KIF21A: variants seen among roughly 807,000 people sequenced by gnomAD.
The protein encoded by KIF21A is kinesin-like protein KIF21A.
In KIF21A, 114 loss-of-function variants were observed where a neutral mutation model predicts 202.9. The ratio of observed to expected loss-of-function variants is 0.56; its 90% CI spans 0.48 to 0.66. The LOEUF (loss-of-function observed/expected upper bound fraction) is 0.66, where lower values mean the gene tolerates loss of function less well. Ranked by LOEUF, KIF21A falls within the 30% of genes least tolerant of loss-of-function variation. KIF21A has a pLI of 0.00. For synonymous variants in KIF21A, 667 were observed against 670.8 expected (o/e 0.99, Z 0.09); for missense variants, 1,677 against 1,994.9 (o/e 0.84, Z 3.04).
rs1942071119 is a variant in KIF21A, at chr12:39,294,075, T to A, written c.*349A>T. On this transcript the variant is annotated 3_prime_UTR_variant, in exon 38 of 38. Transcript: ENST00000361418. ...ATGAATGAGTTAATGGTGGGCTGCA[T>A]CGTATTCCAGGTGTGTTTTCTGACT... 4.1e-6 allele frequency: 1 copy of A among 244,708 alleles called. No homozygotes were observed. The highest frequency in any genetic ancestry group is 8.0e-6 in the Non-Finnish European group (1 of 124,510). 15.2% of individuals were successfully genotyped at this position (244,708 alleles called of 1,614,324 possible).
chr12:39,369,686 G>C lies in KIF21A; in HGVS notation c.450+43C>G, dbSNP rs1176708133. 2.0e-6 allele frequency: 3 copies of C among 1,485,262 alleles called. No individual in the cohort carries two copies. The African/African-American group carries it at 4.2e-5, about 21-fold the overall frequency. The allele number at this position is 1,485,262 out of a possible 1,614,324, so 92.0% of individuals were successfully genotyped here. On this transcript the variant is annotated intron_variant, in intron 3 of 37. Transcript: ENST00000361418. ...ATAAAATCATAAACACAGTCTATAA[G>C]AACAAAATTTAAAAGAAATTAATGC...
intron 1 of KIF21A, among the ~76,000 whole-genome samples, chr12:39,379,223 A>G (rs1277866273): frequency 1.3e-5 from 2 of 151,902 alleles, no homozygotes; most frequent in Admixed American, 1.3e-4. Context: ...CCAGCTACTC[A>G]GGACAATCGC....
At chr12:39,332,777 C>T (rs778059380) in intron 19 of KIF21A, 33 bp from the exon 20 acceptor site, 6 of 1,611,782 alleles carry the variant, frequency 3.7e-6, no homozygotes, top group Non-Finnish European at 4.2e-6. Flanking sequence ...AGCTCAATTA[C>T]TTATGCACTT....
intron 10 of KIF21A, among the ~76,000 whole-genome samples, chr12:39,354,574 T>C (rs907128164): frequency 6.6e-6 from 1 of 152,168 alleles, no homozygotes; most frequent in African/African-American, 2.4e-5. Flanking sequence ...CATGTAAATT[T>C]ATTAAAAGGT....
At chr12:39,417,508 G>A (rs1440045152) in intron 1 of KIF21A, among the ~76,000 whole-genome samples, 3 of 152,148 alleles carry the variant, frequency 2.0e-5, no homozygotes, top group African/African-American at 7.2e-5. Flanking sequence ...ACAGTTATGT[G>A]AGGCTTCTTC....
intron 12 of KIF21A, 63 bp from the exon 13 acceptor site, chr12:39,342,187 C>A (rs1302708301): frequency 1.7e-6 from 2 of 1,188,512 alleles, no homozygotes; most frequent in Non-Finnish European, 2.5e-6. Context: ...ACTTTTTCTC[C>A]CTCAGATTTT....
intron 1 of KIF21A, among the ~76,000 whole-genome samples, chr12:39,418,370 A>C (rs1214016248): frequency 1.3e-5 from 2 of 152,202 alleles, no homozygotes; most frequent in East Asian, 3.8e-4. Flanking sequence ...TAAGTGATGA[A>C]AACATAGCAA....
rs1944747354 is a variant in KIF21A at position 39,317,931 on chromosome 12, G to A, written c.3908+142C>T. The A allele has an allele frequency of 7.3e-6, 6 of 826,718 alleles. No individual in the cohort carries two copies. In the South Asian group the frequency reaches 8.9e-5, roughly 12 times the overall value. 51.2% of individuals were successfully genotyped at this position (826,718 alleles called of 1,614,324 possible). On this transcript the variant is annotated intron_variant, in intron 29 of 37. Coordinates refer to ENST00000361418, the MANE Select transcript of KIF21A (RefSeq NM_001173464.2). Reference sequence around the variant, plus strand: ...TTGGCTGCATGGTTCCTTTCCCATTGGAAAGATGCATAAAATATGGCAAGA... The same window carrying A: ...TTGGCTGCATGGTTCCTTTCCCATTAGAAAGATGCATAAAATATGGCAAGA...
At chr12:39,367,822 C>A in intron 4 of KIF21A, 61 bp downstream of exon 4, 1 of 1,310,224 alleles carries the variant, frequency 7.6e-7, no homozygotes, top group Non-Finnish European at 1.1e-6. Context: ...AGATTATCAG[C>A]AAAGCTCACT....
chr12:39,423,327 T>C (rs1840840638), intron 1 of KIF21A, among the ~76,000 whole-genome samples: 1 of 152,062 alleles, frequency 6.6e-6, no homozygotes, highest in Middle Eastern at 3.4e-3. Flanking sequence ...AAAGATCCCA[T>C]ATTCTTTGAA....
At chr12:39,328,359 G>A (rs538887709) in intron 24 of KIF21A, among the ~76,000 whole-genome samples, 166 of 152,258 alleles carry the variant, frequency 1.1e-3, no homozygotes, top group African/African-American at 3.9e-3. Flanking sequence ...TTTTGTTCTG[G>A]AGAAAGAAAG....
chr12:39,369,925 C>A lies in KIF21A; in HGVS notation c.268-14G>T, dbSNP rs762377796. 13 of 1,610,858 alleles carry A rather than the reference C, an allele frequency of 8.1e-6. No homozygotes were observed. The highest frequency in any genetic ancestry group is 1.1e-5 in the Non-Finnish European group (13 of 1,177,378). On this transcript the variant is annotated splice_polypyrimidine_tract_variant and intron_variant, in intron 2 of 37. Transcript: ENST00000361418. Reference sequence around the variant, plus strand: ...ACCAGCTCCAGTCTAAACAAAAGAACAGAGAAAGATTAGTGTTCAACCTTA... The same window carrying A: ...ACCAGCTCCAGTCTAAACAAAAGAAAAGAGAAAGATTAGTGTTCAACCTTA...
At chr12:39,317,951 G>T in intron 29 of KIF21A, 122 bp downstream of exon 29, 1 of 991,006 alleles carries the variant, frequency 1.0e-6, no homozygotes, top group Non-Finnish European at 1.6e-6. Flanking sequence ...ATAAAATATG[G>T]CAAGAGTTCA....
chr12:39,387,369 G>C (rs1013486998), intron 1 of KIF21A, among the ~76,000 whole-genome samples: 1 of 152,152 alleles, frequency 6.6e-6, no homozygotes, highest in Admixed American at 6.6e-5. Context: ...ACAGACAATA[G>C]AGAACCTCCC....
At chr12:39,346,238 C>A (rs1947880718) in intron 12 of KIF21A, among the ~76,000 whole-genome samples, 1 of 151,940 alleles carries the variant, frequency 6.6e-6, no homozygotes, top group Non-Finnish European at 1.5e-5. Context: ...TCACATGAAA[C>A]TGCCTGAATT....
chr12:39,433,397 A>C (rs1938231899), intron 1 of KIF21A, among the ~76,000 whole-genome samples: 1 of 152,186 alleles, frequency 6.6e-6, no homozygotes, highest in African/African-American at 2.4e-5. Context: ...GTATAATTAA[A>C]ATTTTTATAT....
intron 9 of KIF21A, 121 bp from the exon 10 acceptor site, chr12:39,357,016 T>A (rs1438022118): frequency 1.5e-6 from 1 of 673,204 alleles, no homozygotes; most frequent in Admixed American, 2.6e-5. Context: ...ACAGCAAATT[T>A]TCTACCCTTT....
intron 26 of KIF21A, 83 bp downstream of exon 26, chr12:39,325,756 G>A (rs1592156093): frequency 1.0e-6 from 1 of 969,060 alleles, no homozygotes; most frequent in Middle Eastern, 2.2e-4. Flanking sequence ...TCTATTAAGA[G>A]TCAAATCTGA....
intron 37 of KIF21A, among the ~76,000 whole-genome samples, chr12:39,299,595 TTACTGG>T (rs1460708981): frequency 6.6e-6 from 1 of 152,158 alleles, no homozygotes; most frequent in African/African-American, 2.4e-5. Flanking sequence ...AGCAATCTCA[TTACTGG>T]GTGTATAGCA....
Sources: gnomAD v4.1 joint callset for allele counts (sites outside exome capture counted in the v4.1 genomes callset) on GRCh38, gnomAD v4.1.1 for gene constraint, MANE v1.5 for transcripts, NCBI Gene and HGNC (gene_info 2026-07-23, HGNC 2026-07-21) for gene names.